The following GALM variants were observed in gnomAD, a reference collection of about 807,000 sequenced individuals.
GALM encodes the protein aldose 1-epimerase.
A neutral mutation model predicts 37.4 loss-of-function variants in GALM; 43 were observed. That is an observed-to-expected ratio of 1.15 (90% CI 0.90 to 1.48). GALM has a LOEUF of 1.48. GALM is among the 40% of genes most tolerant of loss of function. GALM has a pLI of 0.00. For synonymous variants in GALM, 199 were observed against 170.6 expected (o/e 1.17, Z -1.30); for missense variants, 456 against 419.1 (o/e 1.09, Z -0.77).
At chr2:38,696,276 C>G (rs1191561516) in intron 4 of GALM, among the ~76,000 whole-genome samples, 3 of 151,678 alleles carry the variant, frequency 2.0e-5, no homozygotes, top group Admixed American at 2.0e-4. Flanking sequence ...TGTGCCACCA[C>G]ACCTGGCTAA....
At chr2:38,725,505 C>G (rs1666467467) in intron 4 of GALM, among the ~76,000 whole-genome samples, 1 of 151,566 alleles carries the variant, frequency 6.6e-6, no homozygotes, top group Non-Finnish European at 1.5e-5. Context: ...CACTGCACTA[C>G]AGCCTGGGTA....
chr2:38,711,162 C>CTT lies in GALM; in HGVS notation c.635-18380_635-18379dup, dbSNP rs35852563. 8.7e-4 allele frequency among the ~76,000 whole-genome samples: 118 copies of CTT among 135,580 alleles called. 2 individuals carry two copies. Among genetic ancestry groups the CTT allele is most frequent in the South Asian group, 4.2e-3 (18 of 4,240 alleles). The allele number at this position is 135,580 out of a possible 152,430, so 88.9% of individuals were successfully genotyped here. A position where few individuals can be genotyped will look rare whatever the true frequency, so the allele number is the denominator to read the frequency against. The stretch of plus-strand genomic sequence containing the variant: ...CTGTCACCACCTCATTACAGATAGC[C>CTT]TTTTTTTTTTTTTTTGAGACGGAGT... On this transcript the variant is annotated intron_variant, in intron 4 of 6. Transcript: ENST00000272252.
intron 4 of GALM, among the ~76,000 whole-genome samples, chr2:38,704,628 T>C (rs1383396384): frequency 6.6e-6 from 1 of 151,552 alleles, no homozygotes; most frequent in Non-Finnish European, 1.5e-5. Flanking sequence ...GAGCTATGAT[T>C]GGGCACTGCA....
chr2:38,728,641 C>T (rs1442206803), intron 4 of GALM, among the ~76,000 whole-genome samples: 4 of 152,022 alleles, frequency 2.6e-5, no homozygotes, highest in East Asian at 1.9e-4. Context: ...GCTGAGATCG[C>T]GCCACTGCGC....
intron 5 of GALM, 71 bp downstream of exon 5, chr2:38,729,768 T>C: frequency 7.6e-7 from 1 of 1,308,718 alleles, no homozygotes; most frequent in Non-Finnish European, 1.1e-6. Flanking sequence ...TTTGGAGCTT[T>C]TCCTCTGGCC....
At chr2:38,730,787 G>C (rs989678448) in intron 5 of GALM, among the ~76,000 whole-genome samples, 6 of 151,852 alleles carry the variant, frequency 4.0e-5, no homozygotes, top group African/African-American at 1.5e-4. Flanking sequence ...CAGGCATGGT[G>C]GTGGGCACCT....
intron 4 of GALM, among the ~76,000 whole-genome samples, chr2:38,708,738 A>C (rs984247283): frequency 2.0e-5 from 3 of 151,692 alleles, no homozygotes; most frequent in African/African-American, 7.3e-5. Context: ...CAAGAAAAAA[A>C]AAAAAAAAAA....
chr2:38,729,162 G>T (rs957902505), intron 4 of GALM, among the ~76,000 whole-genome samples: 5 of 151,532 alleles, frequency 3.3e-5, no homozygotes, highest in Non-Finnish European at 7.4e-5. Context: ...CTATTTATTT[G>T]AGGGTTTTTT....
At chr2:38,667,443 G>A (rs1664975236) in intron 1 of GALM, among the ~76,000 whole-genome samples, 1 of 151,664 alleles carries the variant, frequency 6.6e-6, no homozygotes, top group Non-Finnish European at 1.5e-5. Flanking sequence ...GGTGGCACGT[G>A]CCTGTAATCC....
chr2:38,675,530 TTTTTTTTTTTTTTTGTGTGTGTGTGTG>T (rs1192602989), intron 1 of GALM, among the ~76,000 whole-genome samples: 3 of 76,492 alleles, frequency 3.9e-5, no homozygotes, highest in African/African-American at 2.9e-4. Context: ...TTTTTTGTTT[TTTTTTTTTTTTTTTGTGTGTGTGTGTG>T]TGTGTGTGTG....
chr2:38,678,092 C>T (rs1207108233), intron 2 of GALM, among the ~76,000 whole-genome samples: 4 of 151,200 alleles, frequency 2.6e-5, no homozygotes, highest in African/African-American at 9.7e-5. Context: ...TCTCAGCTCA[C>T]CACAACCTCC....
chr2:38,689,855 G>A lies in GALM; in HGVS notation c.595G>A (p.Asp199Asn). The change falls in exon 4 of 7, where the codon GAT (aspartate) becomes AAT (asparagine). Residue 199 changes from aspartate to asparagine, a missense_variant. Physicochemically the swap from Asp to Asn is conservative, Grantham distance 23. Coordinates refer to ENST00000272252, the MANE Select transcript of GALM (RefSeq NM_138801.3). Reference sequence around the variant, plus strand: ...TGACCATGAAGTCACCATAGAAGCGGATACTTATTTGCCTGTGGATGAAAC... The same window carrying A: ...TGACCATGAAGTCACCATAGAAGCGAATACTTATTTGCCTGTGGATGAAAC... ...INDHEVTIEA[D>N]TYLPVDETLI... is the part of the protein sequence containing the mutation. 1 of 1,612,332 alleles carries A rather than the reference G, an allele frequency of 6.2e-7. No homozygotes were observed. The highest frequency in any genetic ancestry group is 8.5e-7 in the Non-Finnish European group (1 of 1,178,752).
chr2:38,733,411 C>CGTCCA, intron 6 of GALM, 77 bp from the exon 7 acceptor site: 1 of 1,199,946 alleles, frequency 8.3e-7, no homozygotes, highest in South Asian at 1.2e-5. Flanking sequence ...TCTAGAAGCC[C>CGTCCA]GTCCAGAAGC....
intron 3 of GALM, among the ~76,000 whole-genome samples, chr2:38,684,691 C>T (rs1426260307): frequency 6.6e-6 from 1 of 152,114 alleles, no homozygotes; most frequent in Non-Finnish European, 1.5e-5. Context: ...CCTGCAATCC[C>T]AGCTAATCAG....
intron 4 of GALM, among the ~76,000 whole-genome samples, chr2:38,695,418 C>A (rs1019449148): frequency 1.3e-5 from 2 of 152,138 alleles, no homozygotes; most frequent in African/African-American, 4.8e-5. Flanking sequence ...TGGAGCAGTC[C>A]CTTATGGTGG....
intron 1 of GALM, among the ~76,000 whole-genome samples, chr2:38,667,323 C>A (rs1040822965): frequency 6.6e-6 from 1 of 152,136 alleles, no homozygotes; most frequent in East Asian, 1.9e-4. Flanking sequence ...TTGGTTCTTC[C>A]GATACGTAAG....
chr2:38,686,227 T>TCCTTCCTTCCTTCCTTCCTTC lies in GALM; in HGVS notation c.553-3585_553-3584insCTTCCTTCCTTCCTTCCTTCC, dbSNP rs200153954. On this transcript the variant is annotated intron_variant, in intron 3 of 6. Transcript: ENST00000272252. ...AAACCACAGAAAGTGGAAATTTCTT[T>TCCTTCCTTCCTTCCTTCCTTC]CTTTCTTTCTTTCTTTCTTTCTTTC... 9.8e-4 allele frequency among the ~76,000 whole-genome samples: 16 copies of TCCTTCCTTCCTTCCTTCCTTC among 16,342 alleles called. 2 individuals are homozygous for TCCTTCCTTCCTTCCTTCCTTC. The highest frequency in any genetic ancestry group is 5.4e-3 in the East Asian group (2 of 372). The allele number at this position is 16,342 out of a possible 152,430, so 10.7% of individuals were successfully genotyped here. A position where few individuals can be genotyped will look rare whatever the true frequency, so the allele number is the denominator to read the frequency against.
chr2:38,729,249 G>T (rs1415691700), intron 4 of GALM, among the ~76,000 whole-genome samples: 2 of 151,804 alleles, frequency 1.3e-5, no homozygotes, highest in African/African-American at 2.4e-5. Flanking sequence ...GTGCAGTGGT[G>T]CAATCATGGT....
intron 2 of GALM, among the ~76,000 whole-genome samples, chr2:38,679,774 G>A (rs1665350837): frequency 2.0e-5 from 3 of 152,212 alleles, no homozygotes; most frequent in African/African-American, 4.8e-5. Context: ...TCCTCACTGA[G>A]CCTCCATTCT....
Sources: allele counts gnomAD v4.1 joint callset (sites outside exome capture counted in the v4.1 genomes callset), GRCh38; gene constraint gnomAD v4.1.1; transcripts MANE v1.5; gene names NCBI Gene and HGNC (gene_info 2026-07-23, HGNC 2026-07-21).